PPP2R5E: variants seen among roughly 807,000 people sequenced by gnomAD.
PPP2R5E encodes protein phosphatase 2 regulatory subunit B'epsilon.
A neutral mutation model predicts 65.3 loss-of-function variants in PPP2R5E; 4 were observed. The observed-to-expected ratio is 0.06, with a 90% CI of 0.03 to 0.14. The LOEUF (loss-of-function observed/expected upper bound fraction) is 0.14, where lower values mean the gene tolerates loss of function less well. PPP2R5E is among the 10% of genes least tolerant of loss of function. PPP2R5E has a pLI of 1.00. For missense variants in PPP2R5E, 274 were observed against 556.1 expected (o/e 0.49, Z 5.10); for synonymous variants, 183 against 187.4 (o/e 0.98, Z 0.19).
chr14:63,468,906 T>C (rs1889972473), intron 2 of PPP2R5E, among the ~76,000 whole-genome samples: 1 of 152,128 alleles, frequency 6.6e-6, no homozygotes, highest in African/African-American at 2.4e-5. Flanking sequence ...TCTAAACCTT[T>C]CTTTTCCCCA....
At chr14:63,497,763 C>CA (rs1487401157) in intron 2 of PPP2R5E, among the ~76,000 whole-genome samples, 5 of 145,110 alleles carry the variant, frequency 3.4e-5, no homozygotes, top group African/African-American at 8.0e-5. Context: ...AACAAACAAA[C>CA]AAACAAAAAA....
At chr14:63,478,180 C>A (rs953064869) in intron 2 of PPP2R5E, among the ~76,000 whole-genome samples, 1 of 152,176 alleles carries the variant, frequency 6.6e-6, no homozygotes, top group Non-Finnish European at 1.5e-5. Context: ...TGACTTGGGA[C>A]ACATCGAATG....
intron 2 of PPP2R5E, among the ~76,000 whole-genome samples, chr14:63,455,151 G>C (rs1379336928): frequency 1.3e-5 from 2 of 152,190 alleles, no homozygotes; most frequent in Non-Finnish European, 2.9e-5. Flanking sequence ...ACAGCATACA[G>C]CACCCCCCTT....
At chr14:63,403,197 C>A (rs575681008) in intron 5 of PPP2R5E, among the ~76,000 whole-genome samples, 1 of 151,886 alleles carries the variant, frequency 6.6e-6, no homozygotes, top group African/African-American at 2.4e-5. Context: ...AAGACGAAGG[C>A]GGGCTGATCA....
intron 4 of PPP2R5E, among the ~76,000 whole-genome samples, chr14:63,416,018 G>C (rs2139864546): frequency 6.6e-6 from 1 of 152,312 alleles, no homozygotes; most frequent in South Asian, 2.1e-4. Context: ...AAGATGGTGT[G>C]GCACAATATA....
In PPP2R5E at chr14:63,391,990, A is replaced by C; in HGVS notation, c.885T>G (p.Asp295Glu). 1 of 1,610,976 alleles carries C rather than the reference A, an allele frequency of 6.2e-7. No homozygotes were observed. Among genetic ancestry groups the C allele is most frequent in the Non-Finnish European group, 8.5e-7 (1 of 1,178,972 alleles). ...GACTTACTGGTTCTGTGAGTGAAGG[A>C]TCTTTCTCCAGAAACTGTACTATAC... Reference protein sequence around the residue: ...AYCIVQFLEKDPSLTEPVIRG... With the variant: ...AYCIVQFLEKEPSLTEPVIRG... Residue 295 changes from aspartate to glutamate, a missense_variant, in exon 9 of 14, where the codon GAT becomes GAG. Coordinates refer to ENST00000337537, the MANE Select transcript of PPP2R5E (RefSeq NM_006246.5).
intron 12 of PPP2R5E, 138 bp downstream of exon 12, chr14:63,384,306 G>A: frequency 3.0e-6 from 3 of 999,450 alleles, no homozygotes; most frequent in Non-Finnish European, 4.6e-6. Context: ...TCCAGTCAGT[G>A]AATCCCCAGA....
intron 2 of PPP2R5E, among the ~76,000 whole-genome samples, chr14:63,496,170 A>C (rs1352719323): frequency 6.6e-6 from 1 of 152,112 alleles, no homozygotes; most frequent in Non-Finnish European, 1.5e-5. Context: ...TTCACCGTTT[A>C]TCCAGCAACA....
intron 2 of PPP2R5E, among the ~76,000 whole-genome samples, chr14:63,510,118 T>A (rs1892388891): frequency 6.6e-6 from 1 of 152,106 alleles, no homozygotes; most frequent in East Asian, 1.9e-4. Flanking sequence ...GTCATCAAAT[T>A]AAAATTCTGT....
chr14:63,524,942 C>G (rs889919082), intron 2 of PPP2R5E, among the ~76,000 whole-genome samples: 1 of 152,198 alleles, frequency 6.6e-6, no homozygotes, highest in African/African-American at 2.4e-5. Flanking sequence ...ACCAAGATTG[C>G]GGTTAGCTGT....
intron 13 of PPP2R5E, among the ~76,000 whole-genome samples, chr14:63,376,905 C>T (rs941387302): frequency 3.3e-5 from 5 of 152,080 alleles, no homozygotes; most frequent in African/African-American, 9.7e-5. Context: ...CAGTGGCTCA[C>T]GCCTGTAATC....
At chr14:63,507,797 C>G (rs1892275711) in intron 2 of PPP2R5E, among the ~76,000 whole-genome samples, 1 of 151,992 alleles carries the variant, frequency 6.6e-6, no homozygotes. Context: ...CCAGGATGGT[C>G]TCCATCTCCT....
intron 11 of PPP2R5E, among the ~76,000 whole-genome samples, chr14:63,387,865 T>C (rs1421066933): frequency 6.6e-6 from 1 of 152,220 alleles, no homozygotes; most frequent in Non-Finnish European, 1.5e-5. Flanking sequence ...TGCCTCTCTC[T>C]GTATGCACAT....
At chr14:63,526,414 A>G (rs1025222966) in intron 2 of PPP2R5E, among the ~76,000 whole-genome samples, 1 of 152,208 alleles carries the variant, frequency 6.6e-6, no homozygotes, top group Admixed American at 6.5e-5. Flanking sequence ...GGACAAATAC[A>G]AGAGTGCTGA....
intron 2 of PPP2R5E, among the ~76,000 whole-genome samples, chr14:63,484,347 T>TCTCTCACACACA (rs758248092): frequency 6.4e-5 from 9 of 139,680 alleles, no homozygotes; most frequent in Middle Eastern, 7.1e-3. Flanking sequence ...TCTCTCTCTC[T>TCTCTCACACACA]CACACACACA....
chr14:63,458,009 T>A (rs1429339433), intron 2 of PPP2R5E, among the ~76,000 whole-genome samples: 1 of 152,198 alleles, frequency 6.6e-6, no homozygotes, highest in East Asian at 1.9e-4. Flanking sequence ...TCTTCCAGTA[T>A]CCACCTATCA....
chr14:63,518,109 T>C (rs1362464556), intron 2 of PPP2R5E, among the ~76,000 whole-genome samples: 1 of 152,232 alleles, frequency 6.6e-6, no homozygotes, highest in African/African-American at 2.4e-5. Context: ...AGGATCTCAC[T>C]CTGTCACCCA....
intron 3 of PPP2R5E, among the ~76,000 whole-genome samples, chr14:63,430,716 T>C (rs1328304275): frequency 6.6e-6 from 1 of 152,220 alleles, no homozygotes; most frequent in East Asian, 1.9e-4. Context: ...TTTAAGCCGA[T>C]ACTTTAATTA....
At chr14:63,398,111 A>G (rs1885520635) in intron 5 of PPP2R5E, among the ~76,000 whole-genome samples, 2 of 152,226 alleles carry the variant, frequency 1.3e-5, no homozygotes, top group Admixed American at 1.3e-4. Flanking sequence ...TACATGCTCA[A>G]AATGAGGTCC....
Sources: gnomAD v4.1 joint callset for allele counts (sites outside exome capture counted in the v4.1 genomes callset) on GRCh38, gnomAD v4.1.1 for gene constraint, MANE v1.5 for transcripts, NCBI Gene and HGNC (gene_info 2026-07-23, HGNC 2026-07-21) for gene names.